The following METTL15 variants were observed in gnomAD, a reference collection of about 807,000 sequenced individuals.
METTL15 encodes methyltransferase 15, mitochondrial 12S rRNA N4-cytidine.
A neutral mutation model predicts 38.3 loss-of-function variants in METTL15; 34 were observed. The ratio of observed to expected loss-of-function variants is 0.89; its 90% CI spans 0.68 to 1.18. The LOEUF (loss-of-function observed/expected upper bound fraction) is 1.18, where lower values mean the gene tolerates loss of function less well. Among genes scored for constraint, METTL15 ranks in the 50% most tolerant of loss-of-function variants. The pLI is 0.00. For missense variants in METTL15, 438 were observed against 498.4 expected (o/e 0.88, Z 1.15); for synonymous variants, 162 against 170.9 (o/e 0.95, Z 0.41).
intron 5 of METTL15, among the ~76,000 whole-genome samples, chr11:28,404,016 G>C (rs1023619409): frequency 6.6e-6 from 1 of 151,866 alleles, no homozygotes; most frequent in African/African-American, 2.4e-5. Context: ...TTCAACATAA[G>C]CTTTAGTTTG....
chr11:28,218,621 G>A (rs560730273), intron 4 of METTL15, among the ~76,000 whole-genome samples: 37 of 152,142 alleles, frequency 2.4e-4, no homozygotes, highest in South Asian at 2.1e-3. Context: ...GAGAGAGGGC[G>A]TCCGTGTCTT....
At chr11:28,192,034 T>TA (rs1303154384) in intron 3 of METTL15, among the ~76,000 whole-genome samples, 1 of 151,808 alleles carries the variant, frequency 6.6e-6, no homozygotes, top group Admixed American at 6.6e-5. Context: ...TTATTTGAGT[T>TA]ACTATGTTTT....
chr11:28,525,205 G>A (rs1463665688), intron 6 of METTL15, among the ~76,000 whole-genome samples: 1 of 152,176 alleles, frequency 6.6e-6, no homozygotes, highest in African/African-American at 2.4e-5. Flanking sequence ...TGTGGAAGAG[G>A]ACCTGAGCGG....
chr11:28,155,536 G>C (rs1850234002), intron 3 of METTL15, among the ~76,000 whole-genome samples: 1 of 152,146 alleles, frequency 6.6e-6, no homozygotes, highest in African/African-American at 2.4e-5. Flanking sequence ...GGAGTGCTCT[G>C]TCTGAATTAA....
chr11:28,405,165 A>G (rs1436590659), intron 5 of METTL15, among the ~76,000 whole-genome samples: 1 of 152,150 alleles, frequency 6.6e-6, no homozygotes, highest in African/African-American at 2.4e-5. Context: ...ACTTTGTCCT[A>G]ACTCCTGGTC....
At position 28,153,700 on chromosome 11, in the gene METTL15, G is replaced by A. The variant is rs1240430086; in HGVS notation, c.270+40096G>A. On this transcript the variant is annotated intron_variant, in intron 3 of 6. Transcript: ENST00000407364. ...TTGAGTGACCCAGTCTACTGAGTGGGCAAAGAATGTGCTTAGAACATGATG... is the reference window on the plus strand; with the variant it reads ...TTGAGTGACCCAGTCTACTGAGTGGACAAAGAATGTGCTTAGAACATGATG... Among the ~76,000 whole-genome samples the A allele has an allele frequency of 4.6e-5, 7 of 152,122 alleles. No homozygotes were observed. In the South Asian group the frequency reaches 1.4e-3, roughly 31 times the overall value.
rs533617348 is a variant in METTL15 at position 28,365,922 on chromosome 11, G to A, written c.*358+3886G>A. On this transcript the variant is annotated intron_variant and NMD_transcript_variant, in intron 5 of 7. Coordinates refer to the METTL15 transcript ENST00000532947. ...AAAAATTAGTCGGGCGTGGTGGCAG[G>A]CACCTGTAGTGCCAGCTACTCGGAG... 4.6e-5 allele frequency among the ~76,000 whole-genome samples: 7 copies of A among 152,104 alleles called. 1 individual carries two copies. In the South Asian group the frequency reaches 1.0e-3, roughly 23 times the overall value.
intron 6 of METTL15, among the ~76,000 whole-genome samples, chr11:28,305,364 C>T (rs533234898): frequency 1.3e-5 from 2 of 152,208 alleles, no homozygotes; most frequent in South Asian, 4.1e-4. Flanking sequence ...AATAATAATG[C>T]TAGCTAACAC....
At chr11:28,379,892 A>C (rs902184324) in intron 5 of METTL15, among the ~76,000 whole-genome samples, 28 of 152,262 alleles carry the variant, frequency 1.8e-4, no homozygotes, top group Admixed American at 3.3e-4. Flanking sequence ...TGGGTGCTCC[A>C]GTGATGGTTG....
intron 5 of METTL15, among the ~76,000 whole-genome samples, chr11:28,399,502 G>C (rs565798113): frequency 6.6e-6 from 1 of 151,806 alleles, no homozygotes; most frequent in Non-Finnish European, 1.5e-5. Flanking sequence ...AAAGCAATGT[G>C]TCTAATTTTC....
At chr11:28,328,418 G>A (rs1346272250) in intron 6 of METTL15, among the ~76,000 whole-genome samples, 1 of 152,076 alleles carries the variant, frequency 6.6e-6, no homozygotes, top group African/African-American at 2.4e-5. Context: ...TGCTATGCCT[G>A]ATCTTTACTA....
At chr11:28,242,035 C>A (rs529997869) in intron 4 of METTL15, among the ~76,000 whole-genome samples, 6 of 152,096 alleles carry the variant, frequency 3.9e-5, no homozygotes, top group African/African-American at 1.4e-4. Flanking sequence ...CTCAAGGAGC[C>A]TAGGGCAAAA....
At chr11:28,383,738 G>A (rs982883156) in intron 5 of METTL15, among the ~76,000 whole-genome samples, 1 of 151,866 alleles carries the variant, frequency 6.6e-6, no homozygotes, top group African/African-American at 2.4e-5. Context: ...TTTTTCTTAT[G>A]CTTTTTGGCC....
chr11:28,235,675 G>T (rs559923664), intron 4 of METTL15, among the ~76,000 whole-genome samples: 2 of 152,026 alleles, frequency 1.3e-5, no homozygotes, highest in Non-Finnish European at 2.9e-5. Context: ...AGACTTTGCT[G>T]AAGTTGCTTA....
rs577516777 is a variant in METTL15, at chr11:28,394,674, A to C, written c.*359-29625A>C. Reference sequence around the variant, plus strand: ...ATTCTCCACTGAAAAAGAGTTGTACACATAAAGATACTAATGATTCTTCAT... The same window carrying C: ...ATTCTCCACTGAAAAAGAGTTGTACCCATAAAGATACTAATGATTCTTCAT... On this transcript the variant is annotated intron_variant and NMD_transcript_variant, in intron 5 of 7. Coordinates refer to the METTL15 transcript ENST00000532947. Among the ~76,000 whole-genome samples the C allele has an allele frequency of 7.2e-4, 110 of 152,246 alleles. No homozygotes were observed. In the Middle Eastern group the frequency reaches 0.014, roughly 19 times the overall value.
intron 4 of METTL15, among the ~76,000 whole-genome samples, chr11:28,219,008 T>G (rs907139430): frequency 1.6e-4 from 24 of 152,090 alleles, no homozygotes; most frequent in African/African-American, 4.1e-4. Flanking sequence ...AGGGATATTG[T>G]TCTAAAATTC....
intron 6 of METTL15, among the ~76,000 whole-genome samples, chr11:28,302,643 A>G (rs553458817): frequency 2.9e-4 from 44 of 152,276 alleles, no homozygotes; most frequent in African/African-American, 1.1e-3. Flanking sequence ...CTGTAAGTCC[A>G]ATTAAACCTC....
chr11:28,148,715 C>G (rs984404226), intron 3 of METTL15, among the ~76,000 whole-genome samples: 3 of 151,874 alleles, frequency 2.0e-5, no homozygotes, highest in African/African-American at 7.2e-5. Flanking sequence ...TGTAAGTCAC[C>G]AAGGGATTGA....
intron 3 of METTL15, among the ~76,000 whole-genome samples, chr11:28,167,647 A>G (rs1365538962): frequency 6.6e-6 from 1 of 151,938 alleles, no homozygotes; most frequent in Admixed American, 6.6e-5. Flanking sequence ...TGGGGCTTAC[A>G]TAAGATGAGA....
Sources: allele counts gnomAD v4.1 joint callset (sites outside exome capture counted in the v4.1 genomes callset), GRCh38; gene constraint gnomAD v4.1.1; transcripts MANE v1.5; gene names NCBI Gene and HGNC (gene_info 2026-07-23, HGNC 2026-07-21).